TNFSF14: variants seen among roughly 807,000 people sequenced by gnomAD.
TNFSF14 encodes TNF superfamily member 14.
TNFSF14 carries 15 observed loss-of-function variants against 22.7 expected under a neutral mutation model. That is an observed-to-expected ratio of 0.66 (90% confidence interval 0.44 to 1.02). TNFSF14 has a LOEUF of 1.02. Among genes scored for constraint, TNFSF14 ranks in the 50% least tolerant of loss-of-function variants. The probability of loss-of-function intolerance (pLI) is 0.00; values close to 1 mark genes in which losing one functional copy is unlikely to be tolerated. For missense variants in TNFSF14, 287 were observed against 326.2 expected (o/e 0.88, Z 0.93); for synonymous variants, 133 against 139.6 (o/e 0.95, Z 0.33).
chr19:6,667,047 C>G (rs369183932), intron 3 of TNFSF14, 66 bp downstream of exon 3: 1 of 1,571,198 alleles, frequency 6.4e-7, no homozygotes, highest in Middle Eastern at 1.7e-4. Flanking sequence ...ATATGTATGG[C>G]GTTTATCTGG....
intron 3 of TNFSF14, among the ~76,000 whole-genome samples, chr19:6,666,634 G>A (rs1019779649): frequency 2.0e-5 from 3 of 151,980 alleles, no homozygotes; most frequent in Non-Finnish European, 2.9e-5. Flanking sequence ...GGTGGCTCAC[G>A]CCTGTAATCC....
At chr19:6,667,671 C>T (rs1008102914) in intron 1 of TNFSF14, among the ~76,000 whole-genome samples, 4 of 152,146 alleles carry the variant, frequency 2.6e-5, no homozygotes, top group African/African-American at 7.2e-5. Flanking sequence ...AGTTACGAAT[C>T]GTGTCTGCTT....
At chr19:6,670,380 G>C (rs186311651), upstream of TNFSF14, 7 of 812,750 alleles carry the variant, frequency 8.6e-6, no homozygotes, top group African/African-American at 3.5e-5. Context: ...TGCTTCATTC[G>C]CTTGGGGCCA....
Position 6,665,276 on chromosome 19 carries a change from C to T in TNFSF14, c.373G>A (p.Gly125Ser). The T allele has an allele frequency of 6.2e-7, 1 of 1,613,402 alleles. No homozygotes were observed. Among genetic ancestry groups the T allele is most frequent in the Non-Finnish European group, 8.5e-7 (1 of 1,179,836 alleles). ...AGGGCCCCATCGTGGTAGCTGAGGC[C>T]CCTCAGGAAGGCCAGGCCCAGCTGA... ...ETQLGLAFLR[G>S]LSYHDGALVV... Residue 125 changes from glycine (G) to serine (S), a missense_variant, in exon 4 of 4, where the codon GGC (glycine) becomes AGC (serine). Transcript: ENST00000675206.
At chr19:6,669,543 G>A (rs1318548717) in intron 1 of TNFSF14, among the ~76,000 whole-genome samples, 2 of 152,150 alleles carry the variant, frequency 1.3e-5, no homozygotes, top group African/African-American at 4.8e-5. Flanking sequence ...GCATGGCAGT[G>A]TTGGGGTGTC....
chr19:6,667,517 A>G lies in TNFSF14; in HGVS notation c.220-68T>C, dbSNP rs535815080. 2.8e-4 allele frequency: 433 copies of G among 1,532,978 alleles called. 5 individuals carry two copies. In the South Asian group the frequency reaches 4.0e-3, roughly 14 times the overall value. 95.0% of individuals were successfully genotyped at this position (1,532,978 alleles called of 1,614,324 possible). A position where few individuals can be genotyped will look rare whatever the true frequency, so the allele number is the denominator to read the frequency against. ...GGCCACGCCCTCGCATTGCTCACAC[A>G]TGGCTATGAGACATGAGGACCATAG... On this transcript the variant is annotated intron_variant, in intron 1 of 3. Transcript: ENST00000675206.
rs996846925 is a variant in TNFSF14, at chr19:6,661,568, C to T, written c.*3358G>A. ...GATATAGCTTGTCACAGTATCTTATCAGTAATCGCATTCTTGGATGTGCTG... is the reference window on the plus strand; with the variant it reads ...GATATAGCTTGTCACAGTATCTTATTAGTAATCGCATTCTTGGATGTGCTG... On this transcript the variant is annotated 3_prime_UTR_variant, in exon 4 of 4. Coordinates refer to ENST00000675206, the MANE Select transcript of TNFSF14 (RefSeq NM_001376887.1). 1 of 152,138 alleles carries T rather than the reference C, an allele frequency of 6.6e-6. No individual in the cohort carries two copies. Among genetic ancestry groups the T allele is most frequent in the African/African-American group, 2.4e-5 (1 of 41,396 alleles). The allele number at this position is 152,138 out of a possible 1,614,324, so 9.4% of individuals were successfully genotyped here.
At position 6,664,393 on chromosome 19, in the gene TNFSF14, G is replaced by C. The variant is rs187210740; in HGVS notation, c.*533C>G. 1 of 152,464 alleles carries C rather than the reference G, an allele frequency of 6.6e-6. No individual in the cohort carries two copies. Among genetic ancestry groups the C allele is most frequent in the African/African-American group, 2.4e-5 (1 of 41,402 alleles). 9.4% of individuals were successfully genotyped at this position (152,464 alleles called of 1,614,324 possible). A position where few individuals can be genotyped will look rare whatever the true frequency, so the allele number is the denominator to read the frequency against. On this transcript the variant is annotated 3_prime_UTR_variant, in exon 4 of 4. Transcript: ENST00000675206. The surrounding 1 kb of genome is among the most constrained non-coding windows in gnomAD (Gnocchi z 4.7). The stretch of plus-strand genomic sequence containing the variant: ...TGGGTTTTTGTCCTTAGTATTGTCC[G>C]TGGCAGGGTCTGCAGTCTACGTGGG...
At chr19:6,669,757 C>G (rs1827168535) in intron 1 of TNFSF14, 94 bp downstream of exon 1, 4 of 1,531,362 alleles carry the variant, frequency 2.6e-6, no homozygotes, top group African/African-American at 1.4e-5. Context: ...CACACACACA[C>G]ACACACACAC....
rs760409786 is a variant in TNFSF14 at position 6,665,324 on chromosome 19, C to T, written c.325G>A (p.Gly109Arg). 8.2e-5 allele frequency: 131 copies of T among 1,594,424 alleles called. 2 individuals are homozygous for T. The highest frequency in any genetic ancestry group is 2.5e-4 in the Admixed American group (14 of 57,086). ...TGANSSLTGS[G>R]GPLLWETQLG... The stretch of plus-strand genomic sequence containing the variant: ...TGAGTCTCCCATAACAGCGGCCCCC[C>T]GCTGCCGGTCAAGCTGGAGTTGGCC... Residue 109 changes from glycine to arginine, a missense_variant, in exon 4 of 4, where the codon GGG (glycine) becomes AGG (arginine). Gly to Arg is a moderately radical substitution (Grantham distance 125, BLOSUM62 -2). Coordinates refer to ENST00000675206, the MANE Select transcript of TNFSF14 (RefSeq NM_001376887.1).
upstream of TNFSF14, chr19:6,670,417 C>T (rs1169476618): frequency 4.7e-6 from 2 of 430,004 alleles, no homozygotes; most frequent in East Asian, 6.8e-5. Flanking sequence ...GACTTTCTGC[C>T]CATGCCAGGC....
Position 6,670,098 on chromosome 19 carries a change from C to G in TNFSF14, c.-29G>C, listed in dbSNP as rs557884313. On this transcript the variant is annotated 5_prime_UTR_variant, in exon 1 of 4. Transcript: ENST00000675206. ...CAAGGTGTCTGGAGCAGGGCTGACA[C>G]GCCTGGGTCCTTCAACCTCAGAGGA... The G allele has an allele frequency of 2.6e-4, 412 of 1,606,754 alleles. 5 individuals carry two copies. The South Asian group carries it at 4.4e-3, about 17-fold the overall frequency.
rs897279238 is a variant in TNFSF14, at chr19:6,663,046, C to T, written c.*1880G>A. The T allele has an allele frequency of 6.6e-6, 1 of 152,358 alleles. No individual in the cohort carries two copies. Among genetic ancestry groups the T allele is most frequent in the Non-Finnish European group, 1.5e-5 (1 of 68,124 alleles). 9.4% of individuals were successfully genotyped at this position (152,358 alleles called of 1,614,324 possible). Reference sequence around the variant, plus strand: ...CCACTTGTTGCTGATGGTTGCCCCCCATCCGACTCCTCCCTTTCCCTGTGG... The same window carrying T: ...CCACTTGTTGCTGATGGTTGCCCCCTATCCGACTCCTCCCTTTCCCTGTGG... On this transcript the variant is annotated 3_prime_UTR_variant, in exon 4 of 4. Coordinates refer to ENST00000675206, the MANE Select transcript of TNFSF14 (RefSeq NM_001376887.1).
chr19:6,666,726 T>C (rs549730347), intron 3 of TNFSF14, among the ~76,000 whole-genome samples: 1 of 152,040 alleles, frequency 6.6e-6, no homozygotes, highest in South Asian at 2.1e-4. Flanking sequence ...CAAAACCCTG[T>C]CTCTACTAAA....
rs1917263606 is a variant in TNFSF14, at chr19:6,662,164, G to C, written c.*2762C>G. On this transcript the variant is annotated 3_prime_UTR_variant, in exon 4 of 4. Transcript: ENST00000675206. ...CCTGCCTCAGCCTCCCGAGTAGCTGGGGTTACAGGTGCCCCCCACCACACC... is the reference window on the plus strand; with the variant it reads ...CCTGCCTCAGCCTCCCGAGTAGCTGCGGTTACAGGTGCCCCCCACCACACC... The C allele has an allele frequency of 6.6e-6, 1 of 152,168 alleles. No individual in the cohort carries two copies. Among genetic ancestry groups the C allele is most frequent in the African/African-American group, 2.4e-5 (1 of 41,394 alleles). 9.4% of individuals were successfully genotyped at this position (152,168 alleles called of 1,614,324 possible).
upstream of TNFSF14, chr19:6,670,301 C>T (rs1447940988): frequency 7.3e-7 from 1 of 1,364,530 alleles, no homozygotes; most frequent in Admixed American, 3.0e-5. Flanking sequence ...CTCACACTTT[C>T]CAGAGGCTTC....
upstream of TNFSF14, chr19:6,670,379 C>T (rs533652894): frequency 2.7e-5 from 22 of 814,580 alleles, no homozygotes; most frequent in Admixed American, 1.2e-4. Flanking sequence ...ATGCTTCATT[C>T]GCTTGGGGCC....
In TNFSF14 at chr19:6,667,145, G is replaced by C; in HGVS notation, c.266C>G (p.Ser89Cys). The C allele has an allele frequency of 6.3e-7, 1 of 1,594,562 alleles. No individual in the cohort carries two copies. The highest frequency in any genetic ancestry group is 8.5e-7 in the Non-Finnish European group (1 of 1,172,866). ...ATGCGCTGCTGGGTTGACCTCGTGA[G>C]ACCTTCGCTCTGGGGAAAGAGGGTC... ...SWEQLIQERRSHEVNPAAHLT... is the reference protein window; with the variant it reads ...SWEQLIQERRCHEVNPAAHLT... The change falls in exon 3 of 4, where the codon TCT (serine) becomes TGT (cysteine). Residue 89 changes from serine to cysteine, a missense_variant. Coordinates refer to ENST00000675206, the MANE Select transcript of TNFSF14 (RefSeq NM_001376887.1).
In TNFSF14 at chr19:6,667,443, G is replaced by A; in HGVS notation, c.226C>T (p.Pro76Ser). The change falls in exon 2 of 4, where the codon CCT becomes TCT. Residue 76 changes from proline to serine, a missense_variant. Physicochemically the swap from Pro to Ser is moderately conservative, Grantham distance 74. Transcript: ENST00000675206. ...GEMVTRLPDG[P>S]AGSWEQLIQE... ...ATCAGCTGCTCCCAGGAGCCTGCAG[G>A]TCCGTCCTGAAAATGCAGAAGGGGC... 2 of 1,563,924 alleles carry A rather than the reference G, an allele frequency of 1.3e-6. No individual in the cohort carries two copies. Among genetic ancestry groups the A allele is most frequent in the Non-Finnish European group, 1.7e-6 (2 of 1,163,846 alleles).
Sources: allele counts gnomAD v4.1 joint callset (sites outside exome capture counted in the v4.1 genomes callset), GRCh38; gene constraint gnomAD v4.1.1; non-coding constraint Gnocchi (gnomAD v3.1); transcripts MANE v1.5; gene names NCBI Gene and HGNC (gene_info 2026-07-23, HGNC 2026-07-21).